Variants in NUP188 observed in about 807,000 individuals in gnomAD.
NUP188 encodes the protein nucleoporin 188, also known as nucleoporin NUP188.
A neutral mutation model predicts 223.0 loss-of-function variants in NUP188; 97 were observed. The ratio of observed to expected loss-of-function variants is 0.43; its 90% CI spans 0.37 to 0.51. The LOEUF is 0.51. Ranked by LOEUF, NUP188 falls within the 20% of genes least tolerant of loss-of-function variation. NUP188 has a pLI of 0.00. For missense variants in NUP188, 1,947 were observed against 2,175.6 expected (o/e 0.89, Z 2.09); for synonymous variants, 869 against 828.0 (o/e 1.05, Z -0.85).
intron 3 of NUP188, among the ~76,000 whole-genome samples, chr9:128,953,710 C>A (rs1485381143): frequency 6.6e-6 from 1 of 152,138 alleles, no homozygotes; most frequent in African/African-American, 2.4e-5. Context: ...GTACCCTTAT[C>A]ATTGTTTCCA....
At chr9:128,960,678 A>T (rs1238004699) in intron 8 of NUP188, among the ~76,000 whole-genome samples, 1 of 152,226 alleles carries the variant, frequency 6.6e-6, no homozygotes, top group African/African-American at 2.4e-5. Context: ...GGCTGGGCAC[A>T]GTGGCTCATG....
intron 9 of NUP188, among the ~76,000 whole-genome samples, chr9:128,968,998 T>C (rs971412069): frequency 6.6e-5 from 10 of 152,246 alleles, no homozygotes; most frequent in Non-Finnish European, 1.3e-4. Context: ...CCAAGCACTA[T>C]GCAAATGCTA....
chr9:128,984,871 AT>A (rs762826253), intron 19 of NUP188, 28 bp from the exon 20 acceptor site: 49 of 1,474,846 alleles, frequency 3.3e-5, no homozygotes, highest in Admixed American at 9.4e-5. Flanking sequence ...TTTCCCTATC[AT>A]TTTTTTTCCC....
At chr9:128,948,305 C>G (rs1218837796) in intron 1 of NUP188, 1 of 152,500 alleles carries the variant, frequency 6.6e-6, no homozygotes, top group Non-Finnish European at 1.5e-5. Context: ...TGCACTGAAT[C>G]AAGTCAGCCA....
At chr9:128,986,445 A>G (rs1842334620) in intron 20 of NUP188, 113 bp from the exon 21 acceptor site, 2 of 1,105,810 alleles carry the variant, frequency 1.8e-6, no homozygotes, top group East Asian at 4.9e-5. Context: ...TTGATGACCA[A>G]GGTTTGCCTA....
intron 30 of NUP188, among the ~76,000 whole-genome samples, 190 bp from the exon 31 acceptor site, chr9:128,997,961 C>T (rs1414761565): frequency 6.6e-6 from 1 of 150,542 alleles, no homozygotes; most frequent in East Asian, 2.0e-4. Flanking sequence ...CCTCGTGATC[C>T]GCCCACCTCA....
At chr9:128,957,115 ATTC>A in intron 5 of NUP188, 83 bp downstream of exon 5, 1 of 943,730 alleles carries the variant, frequency 1.1e-6, no homozygotes, top group Non-Finnish European at 1.6e-6. Flanking sequence ...TTTGGCACCA[ATTC>A]TTTTATCGGT....
chr9:128,995,387 G>C lies in NUP188; in HGVS notation c.3224G>C (p.Trp1075Ser). ...KFSIEKRFAYWSGYVKSLAVH... is the reference protein window; with the variant it reads ...KFSIEKRFAYSSGYVKSLAVH... ...TCCATCGAGAAACGCTTTGCCTACT[G>C]GTCAGGGTATGTCAAGTCATTGGCA... Residue 1075 changes from tryptophan to serine, a missense_variant, in exon 30 of 44, where the codon TGG becomes TCG. Physicochemically the swap from Trp to Ser is radical, Grantham distance 177. This residue lies in a region of NUP188 where 905 missense variants were observed against 990.6 expected (regional missense o/e 0.91). Coordinates refer to ENST00000372577, the MANE Select transcript of NUP188 (RefSeq NM_015354.3). The C allele has an allele frequency of 6.2e-7, 1 of 1,614,112 alleles. No homozygotes were observed. Among genetic ancestry groups the C allele is most frequent in the Non-Finnish European group, 8.5e-7 (1 of 1,179,966 alleles).
At chr9:128,972,364 A>G (rs1842116028) in intron 11 of NUP188, among the ~76,000 whole-genome samples, 1 of 152,232 alleles carries the variant, frequency 6.6e-6, no homozygotes, top group African/African-American at 2.4e-5. Flanking sequence ...TATGATTCCA[A>G]CTACGTGACA....
At chr9:128,994,133 G>A (rs1319734431) in intron 27 of NUP188, among the ~76,000 whole-genome samples, 1 of 152,150 alleles carries the variant, frequency 6.6e-6, no homozygotes, top group Non-Finnish European at 1.5e-5. Flanking sequence ...ATCTACAGTG[G>A]AAGGAATCTT....
chr9:128,957,158 G>C (rs764538617), intron 5 of NUP188, 126 bp downstream of exon 5: 4 of 616,038 alleles, frequency 6.5e-6, no homozygotes, highest in Non-Finnish European at 1.1e-5. Flanking sequence ...TCATCTTCAG[G>C]GAAGACCTAC....
At chr9:128,976,159 G>GAATCTTGTAA (rs1842172702) in intron 12 of NUP188, among the ~76,000 whole-genome samples, 1 of 152,056 alleles carries the variant, frequency 6.6e-6, no homozygotes, top group Non-Finnish European at 1.5e-5. Flanking sequence ...AGATGTTACA[G>GAATCTTGTAA]GATTATCTTG....
At chr9:128,999,054 T>A in intron 32 of NUP188, 118 bp from the exon 33 acceptor site, 1 of 738,528 alleles carries the variant, frequency 1.4e-6, no homozygotes, top group Non-Finnish European at 2.3e-6. Context: ...GGTTTCACCA[T>A]GTTGGCCAGG....
In NUP188 at chr9:128,993,606, C is replaced by T. The variant is rs1361649640; in HGVS notation, c.2929C>T (p.Pro977Ser). The T allele has an allele frequency of 6.2e-7, 1 of 1,614,080 alleles. No individual in the cohort carries two copies. Among genetic ancestry groups the T allele is most frequent in the East Asian group, 2.2e-5 (1 of 44,898 alleles). Residue 977 changes from proline (P) to serine (S), a missense_variant, in exon 27 of 44, where the codon CCA becomes TCA. Transcript: ENST00000372577. ...DSQQQDRYWC[P>S]PLLHRAAIAF... Reference sequence around the variant, plus strand: ...CCAACAGCAAGATCGATACTGGTGCCCACCCCTGCTGCATCGTGCCGCCAT... The same window carrying T: ...CCAACAGCAAGATCGATACTGGTGCTCACCCCTGCTGCATCGTGCCGCCAT...
rs751614450 is a variant in NUP188, at chr9:128,956,485, C to T, written c.246+51C>T. Reference sequence around the variant, plus strand: ...ATTTATTACTTGCAGTGTGGATGTGCGTGGTTATATTGCTAGTGATAGTGA... The same window carrying T: ...ATTTATTACTTGCAGTGTGGATGTGTGTGGTTATATTGCTAGTGATAGTGA... On this transcript the variant is annotated intron_variant, in intron 4 of 43. Transcript: ENST00000372577. The T allele has an allele frequency of 7.5e-6, 7 of 938,432 alleles. No homozygotes were observed. The Admixed American group carries it at 7.6e-5, about 10-fold the overall frequency. The allele number at this position is 938,432 out of a possible 1,614,324, so 58.1% of individuals were successfully genotyped here. A position where few individuals can be genotyped will look rare whatever the true frequency, so the allele number is the denominator to read the frequency against.
chr9:128,957,577 G>A (rs564031607), intron 5 of NUP188, among the ~76,000 whole-genome samples: 7 of 152,114 alleles, frequency 4.6e-5, no homozygotes, highest in African/African-American at 1.7e-4. Context: ...CCATTCTCCT[G>A]CCTCAGCCTC....
chr9:128,958,742 T>C, intron 6 of NUP188, 60 bp from the exon 7 acceptor site: 1 of 855,246 alleles, frequency 1.2e-6, no homozygotes, highest in South Asian at 2.6e-5. Flanking sequence ...TCACTAAATT[T>C]AAACTTGAGT....
Position 128,980,616 on chromosome 9 carries a change from C to G in NUP188, c.1280C>G (p.Ser427Cys). 6.2e-7 allele frequency: 1 copy of G among 1,612,734 alleles called. No individual in the cohort carries two copies. The highest frequency in any genetic ancestry group is 1.1e-5 in the South Asian group (1 of 90,806). Residue 427 changes from serine to cysteine, a missense_variant, in exon 14 of 44, where the codon TCT becomes TGT. Physicochemically the swap from Ser to Cys is moderately radical, Grantham distance 112. Transcript: ENST00000372577. ...PELFWGTEPT[S>C]GLGIILDSVC... ...CCCCTTCCACCACAGGAGCCAACTTCTGGCCTTGGGATCATTCTGGACAGT... is the reference window on the plus strand; with the variant it reads ...CCCCTTCCACCACAGGAGCCAACTTGTGGCCTTGGGATCATTCTGGACAGT...
At chr9:128,956,643 C>T (rs1841875514) in intron 4 of NUP188, among the ~76,000 whole-genome samples, 1 of 152,222 alleles carries the variant, frequency 6.6e-6, no homozygotes, top group African/African-American at 2.4e-5. Flanking sequence ...CTTCACCAGA[C>T]ATGTGGTGGT....
Sources: gnomAD v4.1 joint callset for allele counts (sites outside exome capture counted in the v4.1 genomes callset) on GRCh38, gnomAD v4.1.1 for gene constraint, gnomAD v4.1.1 regional missense constraint, MANE v1.5 for transcripts, NCBI Gene and HGNC (gene_info 2026-07-23, HGNC 2026-07-21) for gene names.